Variants in PYGL observed in about 807,000 individuals in gnomAD.
PYGL encodes glycogen phosphorylase L.
A neutral mutation model predicts 100.1 loss-of-function variants in PYGL; 90 were observed. The observed-to-expected ratio is 0.90, with a 90% CI of 0.76 to 1.07. The LOEUF is 1.07. PYGL is among the 50% of genes least tolerant of loss of function. PYGL has a pLI of 0.00. For synonymous variants in PYGL, 373 were observed against 393.0 expected (o/e 0.95, Z 0.60); for missense variants, 1,016 against 1,057.6 (o/e 0.96, Z 0.55).
intron 2 of PYGL, among the ~76,000 whole-genome samples, chr14:50,937,496 A>T (rs1486601004): frequency 1.3e-5 from 2 of 152,256 alleles, no homozygotes; most frequent in Admixed American, 1.3e-4. Flanking sequence ...GCTGTCAAAG[A>T]CTTTGATTGC....
Position 50,916,733 on chromosome 14 carries a change from A to G in PYGL, c.1001T>C (p.Val334Ala). Residue 334 changes from valine to alanine, a missense_variant and splice_region_variant, in exon 9 of 20, where the codon GTG becomes GCG. Transcript: ENST00000216392. ...GTGAGTGTCATTCAGCTGGATGGCCACCTGGGTGGGGAAAGACATCAACAT... is the reference window on the plus strand; with the variant it reads ...GTGAGTGTCATTCAGCTGGATGGCCGCCTGGGTGGGGAAAGACATCAACAT... ...GTVFDAFPDQ[V>A]AIQLNDTHPA... The G allele has an allele frequency of 1.2e-6, 2 of 1,613,462 alleles. No homozygotes were observed. Among genetic ancestry groups the G allele is most frequent in the South Asian group, 1.1e-5 (1 of 91,050 alleles).
intron 1 of PYGL, among the ~76,000 whole-genome samples, chr14:50,938,491 C>T (rs1216080783): frequency 2.6e-5 from 4 of 152,182 alleles, no homozygotes; most frequent in African/African-American, 4.8e-5. Context: ...AGATTAGAGG[C>T]GCGAGCCACT....
chr14:50,935,158 C>A lies in PYGL; in HGVS notation c.373G>T (p.Glu125Ter). 6.2e-7 allele frequency: 1 copy of A among 1,612,548 alleles called. No individual in the cohort carries two copies. The highest frequency in any genetic ancestry group is 1.3e-5 in the African/African-American group (1 of 75,010). ...QLGLDIEELE[E>*]IEEDAGLGNG... ...CCAAGTCCAGCATCTTCTTCAATTTCTTCTAACTCTTCTATATCCAATCCA... is the reference window on the plus strand; with the variant it reads ...CCAAGTCCAGCATCTTCTTCAATTTATTCTAACTCTTCTATATCCAATCCA... Residue 125 changes from glutamate to a stop codon, truncating the protein, a stop_gained, in exon 3 of 20, where the codon GAA becomes TAA. Coordinates refer to ENST00000216392, the MANE Select transcript of PYGL (RefSeq NM_002863.5). LOFTEE classifies it high-confidence loss of function.
chr14:50,916,424 A>G (rs2050449761), intron 9 of PYGL, among the ~76,000 whole-genome samples: 1 of 152,198 alleles, frequency 6.6e-6, no homozygotes, highest in East Asian at 1.9e-4. Context: ...ATAGCTATTG[A>G]TTTGTGTCCC....
intron 2 of PYGL, among the ~76,000 whole-genome samples, chr14:50,936,671 A>G (rs2050655518): frequency 1.3e-5 from 2 of 152,128 alleles, no homozygotes; most frequent in South Asian, 4.2e-4. Context: ...GAGCTGGGCA[A>G]GGTGGTGCAT....
Position 50,912,461 on chromosome 14 carries a change from C to T in PYGL, c.1621-158G>A, listed in dbSNP as rs79128159. ...GCAGCCTCCACCTCCCACATTCAAG[C>T]GATTATCCTATCAGGGATTACAGGT... On this transcript the variant is annotated intron_variant, in intron 13 of 19. Coordinates refer to ENST00000216392, the MANE Select transcript of PYGL (RefSeq NM_002863.5). 1.2e-3 allele frequency: 1,028 copies of T among 869,558 alleles called. 22 individuals are homozygous for T. In the East Asian group the frequency reaches 0.022, roughly 18 times the overall value. 53.9% of individuals were successfully genotyped at this position (869,558 alleles called of 1,614,324 possible).
At position 50,917,109 on chromosome 14, in the gene PYGL, C is replaced by T; in HGVS notation, c.856-4G>A. On this transcript the variant is annotated splice_polypyrimidine_tract_variant and splice_region_variant and intron_variant, in intron 7 of 19. Transcript: ENST00000216392. ...TTAGCTCCTTCCCTTCAAAAAACTT[C>T]AAGCCAGAGAGATAGAATAAAAATG... is the stretch of plus-strand genomic sequence containing the variant. 6.2e-7 allele frequency: 1 copy of T among 1,613,544 alleles called. No homozygotes were observed. Among genetic ancestry groups the T allele is most frequent in the East Asian group, 2.2e-5 (1 of 44,886 alleles).
chr14:50,935,260 G>A, intron 2 of PYGL, 75 bp from the exon 3 acceptor site: 2 of 1,195,554 alleles, frequency 1.7e-6, no homozygotes, highest in African/African-American at 1.5e-5. Flanking sequence ...ATTTCCTACA[G>A]CTCTGGGTAA....
At chr14:50,936,507 G>C (rs570682495) in intron 2 of PYGL, among the ~76,000 whole-genome samples, 2 of 152,190 alleles carry the variant, frequency 1.3e-5, no homozygotes, top group Admixed American at 1.3e-4. Flanking sequence ...TTCTAAAAAC[G>C]TAAGTCTAAA....
chr14:50,931,666 C>T lies in PYGL; in HGVS notation c.528+7G>A, dbSNP rs1303442826. 2 of 1,609,122 alleles carry T rather than the reference C, an allele frequency of 1.2e-6. No homozygotes were observed. The highest frequency in any genetic ancestry group is 1.7e-6 in the Non-Finnish European group (2 of 1,175,610). On this transcript the variant is annotated splice_region_variant and intron_variant, in intron 4 of 19. Coordinates refer to ENST00000216392, the MANE Select transcript of PYGL (RefSeq NM_002863.5). ...AATGACAAAATTTAAAAAGATGGCT[C>T]ACACACCTGCCATCCATCTCGGATC... is the stretch of plus-strand genomic sequence containing the variant.
At chr14:50,929,690 T>C (rs1042878274) in intron 4 of PYGL, among the ~76,000 whole-genome samples, 1 of 152,154 alleles carries the variant, frequency 6.6e-6, no homozygotes, top group Admixed American at 6.5e-5. Flanking sequence ...AAGGCTAAAA[T>C]TAGATACCAT....
chr14:50,911,613 G>C (rs961198350), intron 16 of PYGL, 117 bp downstream of exon 16: 37 of 1,352,118 alleles, frequency 2.7e-5, no homozygotes, highest in Non-Finnish European at 2.8e-5. Flanking sequence ...TTCTGCACAA[G>C]AGTGACACCT....
rs1442900833 is a variant in PYGL, at chr14:50,944,391, G to C, written c.13C>G (p.Leu5Val). The C allele has an allele frequency of 6.2e-7, 1 of 1,612,020 alleles. No homozygotes were observed. The highest frequency in any genetic ancestry group is 8.5e-7 in the Non-Finnish European group (1 of 1,179,440). Reference sequence around the variant, plus strand: ...TGCCGCCGCTTCTCCTGGTCCGTCAGGGGCTTCGCCATGGCTGGGGCGGCG... The same window carrying C: ...TGCCGCCGCTTCTCCTGGTCCGTCACGGGCTTCGCCATGGCTGGGGCGGCG... Reference protein sequence around the residue: MAKPLTDQEKRRQIS... With the variant: MAKPVTDQEKRRQIS... Residue 5 changes from leucine to valine, a missense_variant, in exon 1 of 20, where the codon CTG becomes GTG. By Grantham distance (32) the Leu-to-Val change is conservative (BLOSUM62 1). Transcript: ENST00000216392.
chr14:50,909,791 C>T (rs2050373715), intron 17 of PYGL, 104 bp downstream of exon 17: 3 of 1,317,562 alleles, frequency 2.3e-6, no homozygotes, highest in Non-Finnish European at 3.3e-6. Context: ...CTTATGTGAT[C>T]CAATTTCAGT....
chr14:50,933,139 G>A (rs918185375), intron 3 of PYGL, among the ~76,000 whole-genome samples: 1 of 152,200 alleles, frequency 6.6e-6, no homozygotes, highest in Non-Finnish European at 1.5e-5. Flanking sequence ...AAGGAGCGAT[G>A]TCATGAATGT....
Position 50,916,732 on chromosome 14 carries a change from CA to C in PYGL, c.1001del (p.Val334GlyfsTer5). ...GGTGAGTGTCATTCAGCTGGATGGC[CA>C]CCTGGGTGGGGAAAGACATCAACAT... ...GTVFDAFPDQ[V>X]AIQLNDTHPA... is the part of the protein sequence containing the mutation. On this transcript the variant is annotated frameshift_variant and splice_region_variant, in exon 9 of 20. Coordinates refer to ENST00000216392, the MANE Select transcript of PYGL (RefSeq NM_002863.5). LOFTEE classifies it high-confidence loss of function. 6.2e-7 allele frequency: 1 copy of C among 1,613,588 alleles called. No individual in the cohort carries two copies. The highest frequency in any genetic ancestry group is 8.5e-7 in the Non-Finnish European group (1 of 1,179,536).
chr14:50,910,806 C>A (rs2050388609), intron 16 of PYGL, among the ~76,000 whole-genome samples: 1 of 152,148 alleles, frequency 6.6e-6, no homozygotes, highest in Non-Finnish European at 1.5e-5. Flanking sequence ...GGGAAATAAG[C>A]CACACGTAAT....
At chr14:50,924,197 G>A in intron 4 of PYGL, 97 bp from the exon 5 acceptor site, 1 of 1,408,530 alleles carries the variant, frequency 7.1e-7, no homozygotes, top group Non-Finnish European at 9.7e-7. Flanking sequence ...ATCTTTAACT[G>A]AAACAACTTA....
chr14:50,912,541 T>C (rs1689589251), intron 13 of PYGL: 2 of 539,846 alleles, frequency 3.7e-6, no homozygotes, highest in South Asian at 4.1e-5. Flanking sequence ...CGGGGTTTCA[T>C]CATGTTGGCC....
Sources: allele counts gnomAD v4.1 joint callset (sites outside exome capture counted in the v4.1 genomes callset), GRCh38; gene constraint gnomAD v4.1.1; transcripts MANE v1.5; gene names NCBI Gene and HGNC (gene_info 2026-07-23, HGNC 2026-07-21).